Variants in SLC24A2 observed in about 807,000 individuals in gnomAD.
SLC24A2 encodes sodium/potassium/calcium exchanger 2.
Under a neutral mutation model 62.0 loss-of-function variants are expected in SLC24A2, and 36 were observed. The observed-to-expected ratio is 0.58, with a 90% CI of 0.44 to 0.77. The LOEUF is 0.77. Among genes scored for constraint, SLC24A2 ranks in the 30% least tolerant of loss-of-function variants. The probability of loss-of-function intolerance (pLI) is 0.00; values close to 1 mark genes in which losing one functional copy is unlikely to be tolerated. For synonymous variants in SLC24A2, 358 were observed against 294.0 expected, an observed-to-expected ratio of 1.22 and a Z score of -2.23; for missense variants, 846 against 817.9, an observed-to-expected ratio of 1.03 and a Z score of -0.42.
intron 2 of SLC24A2, among the ~76,000 whole-genome samples, chr9:19,780,280 T>G (rs371697551): frequency 1.0e-3 from 155 of 151,350 alleles, no homozygotes; most frequent in African/African-American, 3.2e-3. Context: ...TTTTTCTTTT[T>G]TTTTTGAGAT....
chr9:19,914,727 C>A, the SLC24A2 span, among the ~76,000 whole-genome samples: 1 of 151,940 alleles, frequency 6.6e-6, no homozygotes, highest in East Asian at 1.9e-4. Context: ...CTCGTTTGAA[C>A]CATATAATGA....
At chr9:20,190,410 TTGTG>T in the SLC24A2 span, among the ~76,000 whole-genome samples, 2 of 152,328 alleles carry the variant, frequency 1.3e-5, no homozygotes, top group East Asian at 3.9e-4. Context: ...TAATCATCTA[TTGTG>T]TTTTTCAATA....
the SLC24A2 span, among the ~76,000 whole-genome samples, chr9:19,999,495 G>A: frequency 6.6e-6 from 1 of 152,190 alleles, no homozygotes; most frequent in African/African-American, 2.4e-5. Context: ...GCAACTCATA[G>A]TAACTAATGA....
At chr9:20,189,141 C>T in the SLC24A2 span, among the ~76,000 whole-genome samples, 3 of 144,118 alleles carry the variant, frequency 2.1e-5, no homozygotes, top group Non-Finnish European at 3.0e-5. Context: ...ATGCTTCCTT[C>T]GGGATGTTGG....
chr9:19,720,798 T>C (rs1360847039), intron 2 of SLC24A2, among the ~76,000 whole-genome samples: 1 of 151,220 alleles, frequency 6.6e-6, no homozygotes, highest in Non-Finnish European at 1.5e-5. Context: ...CTTGATTTTC[T>C]TTTTGTAGTT....
At chr9:20,147,585 G>C in the SLC24A2 span, among the ~76,000 whole-genome samples, 2 of 152,146 alleles carry the variant, frequency 1.3e-5, no homozygotes, top group African/African-American at 4.8e-5. Context: ...TGATCAAACA[G>C]ACCCCAACTC....
At chr9:20,156,994 C>T in the SLC24A2 span, among the ~76,000 whole-genome samples, 4 of 151,722 alleles carry the variant, frequency 2.6e-5, no homozygotes, top group Non-Finnish European at 5.9e-5. Context: ...AAGACTAGAA[C>T]GTTTACTAAA....
the SLC24A2 span, among the ~76,000 whole-genome samples, chr9:20,017,352 G>T: frequency 2.6e-5 from 4 of 152,062 alleles, no homozygotes; most frequent in Non-Finnish European, 5.9e-5. Context: ...ACATAACACT[G>T]TATGCATATT....
At chr9:19,652,667 T>A (rs1465463314) in intron 2 of SLC24A2, among the ~76,000 whole-genome samples, 1 of 152,224 alleles carries the variant, frequency 6.6e-6, no homozygotes, top group Non-Finnish European at 1.5e-5. Flanking sequence ...AATTTTAACA[T>A]AATCAATATG....
intron 8 of SLC24A2, among the ~76,000 whole-genome samples, chr9:19,546,082 C>G (rs186592931): frequency 1.3e-5 from 2 of 152,350 alleles, no homozygotes; most frequent in East Asian, 3.9e-4. Flanking sequence ...GAACCTTTGT[C>G]TCATACGGGC....
At chr9:20,197,733 T>C in the SLC24A2 span, among the ~76,000 whole-genome samples, 1 of 152,022 alleles carries the variant, frequency 6.6e-6, no homozygotes, top group Non-Finnish European at 1.5e-5. Context: ...CAGGCCATAA[T>C]TGGGGTGATT....
the SLC24A2 span, among the ~76,000 whole-genome samples, chr9:20,289,189 C>T: frequency 6.6e-6 from 1 of 152,146 alleles, no homozygotes; most frequent in East Asian, 1.9e-4. Context: ...GTGATACAGC[C>T]ATAGTAACTG....
the SLC24A2 span, among the ~76,000 whole-genome samples, chr9:19,841,209 G>A: frequency 2.0e-5 from 3 of 152,102 alleles, no homozygotes; most frequent in Non-Finnish European, 4.4e-5. Context: ...ATTGTTTTCT[G>A]GAGAAGAGAC....
At chr9:20,170,011 T>C in the SLC24A2 span, among the ~76,000 whole-genome samples, 3 of 151,884 alleles carry the variant, frequency 2.0e-5, no homozygotes, top group East Asian at 5.9e-4. Flanking sequence ...AGGAAACAAT[T>C]GGCACACTTA....
At chr9:20,100,216 TTTTTGTTTTG>T in the SLC24A2 span, among the ~76,000 whole-genome samples, 1 of 151,944 alleles carries the variant, frequency 6.6e-6, no homozygotes, top group Non-Finnish European at 1.5e-5. Flanking sequence ...TTTTTTTGTT[TTTTTGTTTTG>T]TTTTGTTTTG....
At chr9:20,225,415 T>C in the SLC24A2 span, among the ~76,000 whole-genome samples, 4 of 150,364 alleles carry the variant, frequency 2.7e-5, no homozygotes, top group African/African-American at 9.8e-5. Context: ...GGAATGAAAG[T>C]CAAAGGGGAT....
At chr9:20,014,727 G>C in the SLC24A2 span, among the ~76,000 whole-genome samples, 1 of 152,088 alleles carries the variant, frequency 6.6e-6, no homozygotes, top group Non-Finnish European at 1.5e-5. Flanking sequence ...CAGAGGCTGG[G>C]GAGAGAGGCT....
chr9:19,754,893 AG>A (rs1822093884), intron 2 of SLC24A2, among the ~76,000 whole-genome samples: 1 of 152,134 alleles, frequency 6.6e-6, no homozygotes, highest in South Asian at 2.1e-4. Context: ...ACTGAGACCT[AG>A]CCTGCTCCAC....
the SLC24A2 span, among the ~76,000 whole-genome samples, chr9:20,163,559 A>T: frequency 6.6e-6 from 1 of 152,198 alleles, no homozygotes; most frequent in Admixed American, 6.5e-5. Context: ...ATACTGCCCA[A>T]GGTAATTTAC....
Sources: allele counts gnomAD v4.1 joint callset (sites outside exome capture counted in the v4.1 genomes callset), GRCh38; gene constraint gnomAD v4.1.1; transcripts MANE v1.5; gene names NCBI Gene and HGNC (gene_info 2026-07-23, HGNC 2026-07-21).